MYO16: variants seen among roughly 807,000 people sequenced by gnomAD.
MYO16 encodes myosin XVI, also known as unconventional myosin-XVI.
A neutral mutation model predicts 205.3 loss-of-function variants in MYO16; 94 were observed. That is an observed-to-expected ratio of 0.46 (90% CI 0.39 to 0.54). The LOEUF (loss-of-function observed/expected upper bound fraction) is 0.54. MYO16 is among the 20% of genes least tolerant of loss of function. The probability of loss-of-function intolerance (pLI) is 0.00; values close to 1 mark genes in which losing one functional copy is unlikely to be tolerated. For missense variants in MYO16, 2,315 were observed against 2,387.5 expected (o/e 0.97, Z 0.63); for synonymous variants, 988 against 954.0 (o/e 1.04, Z -0.66).
chr13:109,042,020 A>G (rs1186788161), intron 23 of MYO16, among the ~76,000 whole-genome samples: 1 of 151,952 alleles, frequency 6.6e-6, no homozygotes, highest in Non-Finnish European at 1.5e-5. Context: ...GTATACCACC[A>G]CACCTGGCTA....
chr13:108,673,379 T>TC (rs60024826), intron 2 of MYO16, among the ~76,000 whole-genome samples: 4 of 149,162 alleles, frequency 2.7e-5, no homozygotes, highest in African/African-American at 1.0e-4. Context: ...TTTTTTTTTT[T>TC]CAAAAGCAAT....
chr13:108,552,317 A>G, the MYO16 span, among the ~76,000 whole-genome samples: 9 of 152,214 alleles, frequency 5.9e-5, no homozygotes, highest in African/African-American at 2.2e-4. Context: ...AGAGCTGTCA[A>G]CTTGGAGGTG....
rs368346508 is a variant in MYO16, at chr13:108,898,164, C to T, written c.1777+31C>T. The T allele has an allele frequency of 1.8e-4, 274 of 1,540,802 alleles. 1 individual carries two copies. Among genetic ancestry groups the T allele is most frequent in the Non-Finnish European group, 2.4e-4 (267 of 1,113,890 alleles). On this transcript the variant is annotated intron_variant, in intron 15 of 34. Transcript: ENST00000457511. ...TGCAGTATTTGACAACGTGGATTTC[C>T]TGTGCCGAGCCAGCATGCGACCACG... is the stretch of plus-strand genomic sequence containing the variant.
Position 109,141,319 on chromosome 13 carries a change from T to C in MYO16, c.5107T>C (p.Ser1703Pro). Residue 1703 changes from serine to proline, a missense_variant, in exon 32 of 35, where the codon TCG (serine) becomes CCG (proline). Transcript: ENST00000457511. This position sits in a 1 kb window ranked among gnomAD's most constrained non-coding sequence, Gnocchi z 4.1. ...GGACGAGCTCGCCAGCCTCTTCAAC[T>C]CGGGGAGGAGTGTGCTTCGGAAATC... ...PLDELASLFNSGRSVLRKSAA... is the reference protein window; with the variant it reads ...PLDELASLFNPGRSVLRKSAA... 6.3e-7 allele frequency: 1 copy of C among 1,584,096 alleles called. No homozygotes were observed. Among genetic ancestry groups the C allele is most frequent in the Non-Finnish European group, 8.6e-7 (1 of 1,166,752 alleles).
intron 27 of MYO16, among the ~76,000 whole-genome samples, chr13:109,082,010 G>A (rs979872789): frequency 5.3e-4 from 81 of 152,302 alleles, no homozygotes; most frequent in African/African-American, 1.8e-3. Context: ...GCAGAGTTGA[G>A]TGTTGCAATA....
At position 108,930,719 on chromosome 13, in the gene MYO16, AGAAAT is replaced by A. The variant is rs558414751; in HGVS notation, c.1925+20578_1925+20582del. Reference sequence around the variant, plus strand: ...CTCAAGTTTTAATCAACATAAGAAAAGAAATGAAATGAATAAAAATTACCAAGAAA... The same window carrying A: ...CTCAAGTTTTAATCAACATAAGAAAAGAAATGAATAAAAATTACCAAGAAA... On this transcript the variant is annotated intron_variant, in intron 16 of 34. Coordinates refer to ENST00000457511, the MANE Select transcript of MYO16 (RefSeq NM_001198950.3). 2.7e-3 allele frequency among the ~76,000 whole-genome samples: 408 copies of A among 152,314 alleles called. 1 individual carries two copies. The highest frequency in any genetic ancestry group is 4.0e-3 in the Non-Finnish European group (273 of 68,034).
chr13:108,677,313 ATGTGTG>A (rs769838012), intron 2 of MYO16, among the ~76,000 whole-genome samples: 15 of 140,752 alleles, frequency 1.1e-4, no homozygotes, highest in African/African-American at 1.6e-4. Context: ...GTGCACATGC[ATGTGTG>A]TGTGTGTGTG....
rs140010564 is a variant in MYO16, at chr13:108,716,859, C to A, written c.363+4128C>A. Among the ~76,000 whole-genome samples, 118 of 152,288 alleles carry A rather than the reference C, an allele frequency of 7.7e-4. 1 individual carries two copies. In the Middle Eastern group the frequency reaches 0.027, roughly 35 times the overall value. Reference sequence around the variant, plus strand: ...TTTTAATGTTTTGGCCATATAGCATCTTTAGTTTTATCTTATTTTTAATAA... The same window carrying A: ...TTTTAATGTTTTGGCCATATAGCATATTTAGTTTTATCTTATTTTTAATAA... On this transcript the variant is annotated intron_variant, in intron 3 of 34. Coordinates refer to ENST00000457511, the MANE Select transcript of MYO16 (RefSeq NM_001198950.3).
chr13:108,945,167 T>G (rs924893325), intron 16 of MYO16, among the ~76,000 whole-genome samples: 8 of 152,214 alleles, frequency 5.3e-5, no homozygotes, highest in Non-Finnish European at 1.2e-4. Context: ...ATCTCTAAAT[T>G]AGAATATTAC....
chr13:109,030,924 T>C (rs1451883765), intron 23 of MYO16, among the ~76,000 whole-genome samples: 1 of 152,176 alleles, frequency 6.6e-6, no homozygotes, highest in Non-Finnish European at 1.5e-5. Context: ...AAGTACAAGC[T>C]ACTGTCTTTC....
At chr13:109,103,684 G>C (rs1447884379) in intron 28 of MYO16, among the ~76,000 whole-genome samples, 2 of 152,114 alleles carry the variant, frequency 1.3e-5, no homozygotes, top group African/African-American at 4.8e-5. Flanking sequence ...AATATGAGAT[G>C]GTAACTCTGT....
chr13:109,066,516 G>A (rs1388611968), intron 27 of MYO16, among the ~76,000 whole-genome samples: 2 of 152,144 alleles, frequency 1.3e-5, no homozygotes, highest in Non-Finnish European at 2.9e-5. Context: ...CTTAAACAAC[G>A]CTTCCAGAAG....
chr13:108,962,617 G>A (rs141660645), intron 19 of MYO16, 122 bp downstream of exon 19: 2 of 714,908 alleles, frequency 2.8e-6, no homozygotes, highest in African/African-American at 3.6e-5. Context: ...AATGAGGAAA[G>A]CATTCTGAGC....
chr13:109,050,594 G>A (rs78285468), intron 24 of MYO16, among the ~76,000 whole-genome samples: 5,268 of 152,180 alleles, frequency 0.035, 132 homozygotes, highest in South Asian at 0.056. Flanking sequence ...TTTTACATGC[G>A]TTCATGATTC....
At chr13:109,053,442 TA>T (rs200128944) in intron 25 of MYO16, among the ~76,000 whole-genome samples, 17 of 150,702 alleles carry the variant, frequency 1.1e-4, no homozygotes, top group Non-Finnish European at 8.9e-5. Context: ...TTTTTTACAT[TA>T]AAAAAAAAGA....
At chr13:109,012,264 G>A (rs1352452981) in intron 22 of MYO16, among the ~76,000 whole-genome samples, 3 of 152,160 alleles carry the variant, frequency 2.0e-5, no homozygotes, top group Non-Finnish European at 1.5e-5. Flanking sequence ...TCCACGGCCT[G>A]TGAGGAAAAA....
At chr13:109,168,976 T>C (rs998650297) in intron 33 of MYO16, among the ~76,000 whole-genome samples, 6 of 152,106 alleles carry the variant, frequency 3.9e-5, no homozygotes, top group Non-Finnish European at 8.8e-5. Context: ...ATAGTATATA[T>C]TGTCCTGATT....
intron 2 of MYO16, among the ~76,000 whole-genome samples, chr13:108,676,561 T>C (rs916733251): frequency 3.3e-5 from 5 of 152,160 alleles, no homozygotes; most frequent in African/African-American, 1.2e-4. Flanking sequence ...CAAGTTCAGA[T>C]AAGTCATCAG....
intron 34 of MYO16, among the ~76,000 whole-genome samples, chr13:109,182,751 C>T (rs938962253): frequency 6.6e-5 from 10 of 151,880 alleles, no homozygotes; most frequent in East Asian, 1.9e-4. Context: ...CCTTAATATA[C>T]GGTGGTTGTT....
Sources: allele counts gnomAD v4.1 joint callset (sites outside exome capture counted in the v4.1 genomes callset), GRCh38; gene constraint gnomAD v4.1.1; non-coding constraint Gnocchi (gnomAD v3.1); transcripts MANE v1.5; gene names NCBI Gene and HGNC (gene_info 2026-07-23, HGNC 2026-07-21).